PDE1C: variants seen among roughly 807,000 people sequenced by gnomAD.
PDE1C encodes the protein dual specificity calcium/calmodulin-dependent 3',5'-cyclic nucleotide phosphodiesterase 1C.
PDE1C carries 62 observed loss-of-function variants against 93.1 expected under a neutral mutation model. That is an observed-to-expected ratio of 0.67 (90% CI 0.54 to 0.82). The LOEUF is 0.82. Among genes scored for constraint, PDE1C ranks in the 40% least tolerant of loss-of-function variants. The pLI, the probability that PDE1C is intolerant of heterozygous loss-of-function variation, is 0.00. For synonymous variants in PDE1C, 325 were observed against 310.1 expected (o/e 1.05, Z -0.50); for missense variants, 742 against 884.6 (o/e 0.84, Z 2.04).
chr7:31,833,398 C>T (rs577472460), intron 11 of PDE1C, among the ~76,000 whole-genome samples: 14 of 152,198 alleles, frequency 9.2e-5, no homozygotes, highest in South Asian at 4.2e-4. Context: ...TATGTGGAAG[C>T]GACTTTAGAA....
intron 2 of PDE1C, among the ~76,000 whole-genome samples, chr7:31,886,695 G>A (rs1001991150): frequency 1.4e-5 from 2 of 143,282 alleles, no homozygotes; most frequent in Non-Finnish European, 3.1e-5. Flanking sequence ...GTAGGGGTCA[G>A]CCAGGCACAG....
chr7:32,379,325 T>A (rs1283237259), intron 1 of PDE1C, among the ~76,000 whole-genome samples: 1 of 152,224 alleles, frequency 6.6e-6, no homozygotes, highest in East Asian at 1.9e-4. Flanking sequence ...TAATTAGGGC[T>A]GGAAAACAGA....
chr7:32,027,154 A>C (rs923623885), intron 2 of PDE1C, among the ~76,000 whole-genome samples: 1 of 152,150 alleles, frequency 6.6e-6, no homozygotes, highest in Admixed American at 6.6e-5. Flanking sequence ...ATCATAATAC[A>C]TACTCTGAAC....
intron 1 of PDE1C, among the ~76,000 whole-genome samples, chr7:32,331,526 T>C (rs989267173): frequency 1.3e-5 from 2 of 152,180 alleles, no homozygotes; most frequent in Non-Finnish European, 2.9e-5. Context: ...ATTTATGTTT[T>C]GAAACAGTTC....
upstream of PDE1C, among the ~76,000 whole-genome samples, chr7:32,074,834 C>G (rs1796262679): frequency 6.6e-6 from 1 of 152,190 alleles, no homozygotes; most frequent in Admixed American, 6.5e-5. Flanking sequence ...GGGTGTCCTG[C>G]AATCCACAAA....
At chr7:32,000,772 G>A (rs911800424) in intron 2 of PDE1C, among the ~76,000 whole-genome samples, 18 of 152,116 alleles carry the variant, frequency 1.2e-4, no homozygotes, top group African/African-American at 4.1e-4. Flanking sequence ...TGGAACCAGA[G>A]CCCTTTTCTG....
intron 1 of PDE1C, among the ~76,000 whole-genome samples, chr7:32,275,507 G>A (rs1205875250): frequency 6.6e-6 from 1 of 152,146 alleles, no homozygotes; most frequent in Non-Finnish European, 1.5e-5. Flanking sequence ...TGAGAAGCCA[G>A]TGAACATAAA....
intron 1 of PDE1C, among the ~76,000 whole-genome samples, chr7:32,281,249 A>C (rs746163325): frequency 4.6e-5 from 7 of 152,214 alleles, no homozygotes; most frequent in Non-Finnish European, 8.8e-5. Flanking sequence ...AGTTTTTCTA[A>C]ACATGAATTA....
intron 1 of PDE1C, among the ~76,000 whole-genome samples, chr7:32,255,272 G>A (rs1809705842): frequency 6.6e-6 from 1 of 152,132 alleles, no homozygotes; most frequent in Non-Finnish European, 1.5e-5. Flanking sequence ...TCTGCCAGTG[G>A]GGTCCTGTCC....
intron 1 of PDE1C, among the ~76,000 whole-genome samples, chr7:32,375,681 G>T (rs1201739268): frequency 1.3e-5 from 2 of 152,220 alleles, no homozygotes; most frequent in African/African-American, 2.4e-5. Context: ...CTTGAACCAG[G>T]GGTCACACAA....
the PDE1C span, among the ~76,000 whole-genome samples, chr7:31,647,375 TG>T: frequency 6.6e-6 from 1 of 152,016 alleles, no homozygotes; most frequent in Non-Finnish European, 1.5e-5. Context: ...TAGAAGATAA[TG>T]GGAGGCCAGG....
chr7:32,002,838 G>T (rs1785659173), intron 2 of PDE1C, among the ~76,000 whole-genome samples: 1 of 152,128 alleles, frequency 6.6e-6, no homozygotes, highest in South Asian at 2.1e-4. Flanking sequence ...GCTCATATGT[G>T]TTTGTTTAAA....
chr7:31,727,478 A>C, the PDE1C span, among the ~76,000 whole-genome samples: 1 of 152,174 alleles, frequency 6.6e-6, no homozygotes, highest in African/African-American at 2.4e-5. Context: ...TGTGACATGC[A>C]CCTTCTTACA....
At chr7:31,640,641 ACTT>A in the PDE1C span, among the ~76,000 whole-genome samples, 1 of 137,234 alleles carries the variant, frequency 7.3e-6, no homozygotes, top group Non-Finnish European at 1.6e-5. Context: ...GTCTCGAAAA[ACTT>A]TTTTTTTTTT....
chr7:31,858,801 G>C (rs187052471), intron 7 of PDE1C, among the ~76,000 whole-genome samples: 62 of 151,976 alleles, frequency 4.1e-4, no homozygotes, highest in African/African-American at 1.4e-3. Flanking sequence ...AGAATACTGA[G>C]AAATTCAAAC....
chr7:31,882,695 G>A (rs1450678095), intron 2 of PDE1C, among the ~76,000 whole-genome samples: 2 of 152,152 alleles, frequency 1.3e-5, no homozygotes, highest in African/African-American at 4.8e-5. Flanking sequence ...GGGGCTTACA[G>A]GTTCTATCAG....
rs1321127302 is a variant in PDE1C, at chr7:31,966,561, A to G, written c.128+84993T>C. ...ATTAGACAGATCAATGAGACAGAAC[A>G]TTAACAAGGATACCCAGGAATTGAA... On this transcript the variant is annotated intron_variant, in intron 2 of 17. Transcript: ENST00000396191. Among the ~76,000 whole-genome samples, 10 of 152,256 alleles carry G rather than the reference A, an allele frequency of 6.6e-5. No individual in the cohort carries two copies. In the South Asian group the frequency reaches 1.5e-3, roughly 22 times the overall value.
rs556317746 is a variant in PDE1C, at chr7:32,401,654, T to C, written c.310+26168A>G. Among the ~76,000 whole-genome samples, 3 of 152,296 alleles carry C rather than the reference T, an allele frequency of 2.0e-5. No individual in the cohort carries two copies. The South Asian group carries it at 6.2e-4, about 32-fold the overall frequency. ...GTCCCACCGCAGCTTGCCCTGGGCT[T>C]CCCTGATGTATGTGTCCCTCACCGA... On this transcript the variant is annotated intron_variant, in intron 1 of 1. Transcript: ENST00000672256.
intron 2 of PDE1C, among the ~76,000 whole-genome samples, chr7:31,929,504 A>G (rs982880489): frequency 1.3e-5 from 2 of 152,148 alleles, no homozygotes; most frequent in Non-Finnish European, 2.9e-5. Flanking sequence ...AGCACCACAT[A>G]GCAATTATCC....
Sources: allele counts gnomAD v4.1 joint callset (sites outside exome capture counted in the v4.1 genomes callset), GRCh38; gene constraint gnomAD v4.1.1; transcripts MANE v1.5; gene names NCBI Gene and HGNC (gene_info 2026-07-23, HGNC 2026-07-21).